The following NR3C1 variants were observed in gnomAD, a reference collection of about 807,000 sequenced individuals.
NR3C1 encodes the protein nuclear receptor subfamily 3 group C member 1.
Under a neutral mutation model 74.0 loss-of-function variants are expected in NR3C1, and 14 were observed. The observed-to-expected ratio is 0.19, with a 90% CI of 0.12 to 0.30. The LOEUF is 0.30. NR3C1 is among the 10% of genes least tolerant of loss of function. NR3C1 has a pLI of 1.00. For missense variants in NR3C1, 695 were observed against 909.8 expected, an observed-to-expected ratio of 0.76 and a Z score of 3.04; for synonymous variants, 308 against 332.5, an observed-to-expected ratio of 0.93 and a Z score of 0.80.
intron 2 of NR3C1, among the ~76,000 whole-genome samples, chr5:143,381,900 G>C (rs1428347703): frequency 2.6e-5 from 4 of 152,080 alleles, no homozygotes; most frequent in Non-Finnish European, 5.9e-5. Flanking sequence ...CAAATGCACA[G>C]GCAACCAATG....
intron 1 of NR3C1, 23 bp from the exon 2 acceptor site, chr5:143,400,875 G>A (rs1477136080): frequency 6.4e-7 from 1 of 1,559,220 alleles, no homozygotes; most frequent in Non-Finnish European, 8.8e-7. Context: ...AAACAAAAAC[G>A]GGGGGAAAAC....
intron 1 of NR3C1, among the ~76,000 whole-genome samples, chr5:143,422,739 A>G (rs1265233688): frequency 6.6e-6 from 1 of 152,208 alleles, no homozygotes; most frequent in Non-Finnish European, 1.5e-5. Flanking sequence ...ACTAAGAGAA[A>G]TAAATTTCTA....
At chr5:143,405,074 A>T (rs1841017347), upstream of NR3C1, 20 of 969,416 alleles carry the variant, frequency 2.1e-5, no homozygotes, top group Non-Finnish European at 2.3e-5. Flanking sequence ...CCCGTGCGGG[A>T]AGCCCCCGCC....
At chr5:143,284,976 ACGAAGGAGG>A (rs1354082391) in intron 7 of NR3C1, among the ~76,000 whole-genome samples, 113 of 151,480 alleles carry the variant, frequency 7.5e-4, no homozygotes, top group South Asian at 3.1e-3. Flanking sequence ...ACTACTGGAA[ACGAAGGAGG>A]TACACAAAGA....
intron 2 of NR3C1, among the ~76,000 whole-genome samples, chr5:143,382,058 G>A (rs1836358260): frequency 6.6e-6 from 1 of 152,004 alleles, no homozygotes; most frequent in Non-Finnish European, 1.5e-5. Flanking sequence ...AAAGAGTTCA[G>A]ACAACAGGAA....
intron 6 of NR3C1, among the ~76,000 whole-genome samples, chr5:143,296,662 C>A (rs145189622): frequency 2.6e-5 from 4 of 152,192 alleles, no homozygotes; most frequent in East Asian, 1.9e-4. Context: ...GACCTAAGGG[C>A]AACCATGAGA....
chr5:143,324,626 T>C (rs1315318639), intron 2 of NR3C1, among the ~76,000 whole-genome samples: 2 of 152,240 alleles, frequency 1.3e-5, no homozygotes, highest in Non-Finnish European at 2.9e-5. Context: ...CCTTGCTACT[T>C]ATGCAAATAT....
At chr5:143,432,317 G>T (rs765737139) in intron 1 of NR3C1, among the ~76,000 whole-genome samples, 11 of 152,206 alleles carry the variant, frequency 7.2e-5, no homozygotes, top group Non-Finnish European at 1.2e-4. Context: ...AAGGTAGTAA[G>T]GCATCTAGCA....
chr5:143,291,127 T>C (rs1815843203), intron 7 of NR3C1, among the ~76,000 whole-genome samples: 2 of 152,218 alleles, frequency 1.3e-5, no homozygotes, highest in African/African-American at 4.8e-5. Flanking sequence ...AGGAAATTGT[T>C]ACTGTTGTTA....
intron 2 of NR3C1, among the ~76,000 whole-genome samples, chr5:143,380,874 C>G (rs573881657): frequency 6.6e-6 from 1 of 152,188 alleles, no homozygotes; most frequent in South Asian, 2.1e-4. Flanking sequence ...AACTGAAAGC[C>G]TTTCTTCTAA....
intron 2 of NR3C1, among the ~76,000 whole-genome samples, chr5:143,372,370 A>G (rs756936714): frequency 6.6e-6 from 1 of 152,230 alleles, no homozygotes; most frequent in Non-Finnish European, 1.5e-5. Context: ...AGAAGAGTCA[A>G]TCTGATAACC....
intron 7 of NR3C1, among the ~76,000 whole-genome samples, chr5:143,288,464 A>G (rs1815073336): frequency 6.6e-6 from 1 of 151,930 alleles, no homozygotes; most frequent in South Asian, 2.1e-4. Flanking sequence ...ATGGATCTAT[A>G]GATTCAAGGC....
chr5:143,332,915 C>G, intron 2 of NR3C1: 1 of 1,534,632 alleles, frequency 6.5e-7, no homozygotes. Flanking sequence ...CTTATGTGAC[C>G]TGGGGATTTC....
upstream of NR3C1, among the ~76,000 whole-genome samples, chr5:143,408,306 A>G: frequency 6.6e-6 from 1 of 152,232 alleles, no homozygotes; most frequent in Non-Finnish European, 1.5e-5. Flanking sequence ...AAATGGGGAT[A>G]ATAATAGTAC....
chr5:143,309,393 T>A (rs533767123), intron 4 of NR3C1, among the ~76,000 whole-genome samples: 1 of 152,306 alleles, frequency 6.6e-6, no homozygotes, highest in East Asian at 1.9e-4. Flanking sequence ...ATTCAGGTCA[T>A]GGAGTTGAAC....
In NR3C1 at chr5:143,435,476, C is replaced by A. The variant is rs72555797; in HGVS notation, c.-958G>T. 4.5e-4 allele frequency: 439 copies of A among 985,452 alleles called. 7 individuals are homozygous for A. In the East Asian group the frequency reaches 0.033, roughly 74 times the overall value. The allele number at this position is 985,452 out of a possible 1,614,324, so 61.0% of individuals were successfully genotyped here. ...GGAGCAAGAGAAGAGGAAGAGGTACCTTTTGAATGGGGTGAAAGCAAACCC... is the reference window on the plus strand; with the variant it reads ...GGAGCAAGAGAAGAGGAAGAGGTACATTTTGAATGGGGTGAAAGCAAACCC... On this transcript the variant is annotated 5_prime_UTR_variant, in exon 1 of 9. Transcript: ENST00000343796.
At chr5:143,342,192 C>T (rs145837474) in intron 2 of NR3C1, among the ~76,000 whole-genome samples, 177 of 152,200 alleles carry the variant, frequency 1.2e-3, no homozygotes, top group African/African-American at 3.7e-3. Flanking sequence ...CTGGTTACTT[C>T]GTTTAGTCTG....
At chr5:143,291,836 T>C (rs1816017254) in intron 7 of NR3C1, among the ~76,000 whole-genome samples, 1 of 152,230 alleles carries the variant, frequency 6.6e-6, no homozygotes, top group African/African-American at 2.4e-5. Context: ...TCTCTCTGCG[T>C]ACATCACTTC....
intron 2 of NR3C1, among the ~76,000 whole-genome samples, chr5:143,390,841 A>G (rs566246851): frequency 4.2e-4 from 64 of 152,342 alleles, no homozygotes; most frequent in African/African-American, 1.5e-3. Context: ...GGCAATACTC[A>G]TATGATTTGG....
Sources: gnomAD v4.1 joint callset for allele counts (sites outside exome capture counted in the v4.1 genomes callset) on GRCh38, gnomAD v4.1.1 for gene constraint, MANE v1.5 for transcripts, NCBI Gene and HGNC (gene_info 2026-07-23, HGNC 2026-07-21) for gene names.